Variants in NBPF6 observed in about 807,000 individuals in gnomAD.
NBPF6 encodes NBPF member 6.
A neutral mutation model predicts 20.8 loss-of-function variants in NBPF6; 2 were observed. That is an observed-to-expected ratio of 0.10 (90% CI 0.04 to 0.30). The LOEUF (loss-of-function observed/expected upper bound fraction) is 0.30. Ranked by LOEUF, NBPF6 falls within the 10% of genes least tolerant of loss-of-function variation. The probability of loss-of-function intolerance (pLI) is 1.00; values close to 1 mark genes in which losing one functional copy is unlikely to be tolerated. For synonymous variants in NBPF6, 24 were observed against 100.0 expected, an observed-to-expected ratio of 0.24 and a Z score of 4.53; for missense variants, 85 against 260.3, an observed-to-expected ratio of 0.33 and a Z score of 4.63.
At chr1:108,467,809 A>G in intron 14 of NBPF6, 144 bp downstream of exon 14, 2 of 1,029,816 alleles carry the variant, frequency 1.9e-6, no homozygotes, top group East Asian at 2.6e-5. Flanking sequence ...TCTGTGTCCC[A>G]TGGGCTCCCA....
chr1:108,447,477 AC>A (rs1245919314), upstream of NBPF6, among the ~76,000 whole-genome samples: 5 of 140,006 alleles, frequency 3.6e-5, no homozygotes, highest in African/African-American at 1.3e-4. Flanking sequence ...CTAACAAGAA[AC>A]CAGAAATTTA....
At chr1:108,437,765 AG>A in the NBPF6 span, among the ~76,000 whole-genome samples, 2 of 28,976 alleles carry the variant, frequency 6.9e-5, no homozygotes, top group Non-Finnish European at 1.5e-4. Flanking sequence ...GAAGGAAGGA[AG>A]GGAGGGAGGG....
At chr1:108,453,068 CCTT>C in intron 3 of NBPF6, 110 bp from the exon 4 acceptor site, 2 of 232,868 alleles carry the variant, frequency 8.6e-6, no homozygotes, top group Non-Finnish European at 1.8e-5. Context: ...CATGTTCTGA[CCTT>C]CTGCTTGGAG....
At chr1:108,449,415 ACTATATATATAT>A (rs1169881308), upstream of NBPF6, among the ~76,000 whole-genome samples, 5 of 9,602 alleles carry the variant, frequency 5.2e-4, no homozygotes, top group African/African-American at 7.5e-4. Context: ...TGTTAGAACA[ACTATATATATAT>A]ATATATATAT....
At chr1:108,448,542 T>C (rs1447832268), upstream of NBPF6, among the ~76,000 whole-genome samples, 2 of 121,074 alleles carry the variant, frequency 1.7e-5, no homozygotes, top group Non-Finnish European at 3.6e-5. Context: ...GACACAGGAA[T>C]GAATGCTATT....
At chr1:108,448,163 C>T (rs1308255821), upstream of NBPF6, among the ~76,000 whole-genome samples, 1 of 145,642 alleles carries the variant, frequency 6.9e-6, no homozygotes, top group East Asian at 2.0e-4. Context: ...GGATCAATCC[C>T]AGCGGAAAGC....
upstream of NBPF6, among the ~76,000 whole-genome samples, chr1:108,448,189 C>G (rs534370565): frequency 6.8e-6 from 1 of 146,150 alleles, no homozygotes; most frequent in Admixed American, 6.7e-5. Flanking sequence ...TCTCAGCAGC[C>G]CACACCATCC....
At chr1:108,468,173 A>G (rs1383735338) in intron 14 of NBPF6, among the ~76,000 whole-genome samples, 2 of 151,476 alleles carry the variant, frequency 1.3e-5, no homozygotes, top group East Asian at 3.8e-4. Context: ...AAGTGTTAAA[A>G]CTAAGCACTA....
At chr1:108,448,157 C>A (rs1410872213), upstream of NBPF6, among the ~76,000 whole-genome samples, 3 of 145,462 alleles carry the variant, frequency 2.1e-5, no homozygotes, top group African/African-American at 7.5e-5. Context: ...AGGACTGGAT[C>A]AATCCCAGCG....
In NBPF6 at chr1:108,453,008, G is replaced by GTATA. The variant is rs1179619304; in HGVS notation, c.279-161_279-158dup. On this transcript the variant is annotated intron_variant, in intron 3 of 14. Coordinates refer to ENST00000495380, the MANE Select transcript of NBPF6 (RefSeq NM_001143988.2). ...TGTGTGTGTGTGTGTGTGTGTGTGT[G>GTATA]TATATATATATATATTCTTCTTTCT... Among the ~76,000 whole-genome samples the GTATA allele has an allele frequency of 3.5e-4, 21 of 59,968 alleles. 3 individuals carry two copies. The highest frequency in any genetic ancestry group is 1.3e-3 in the African/African-American group (21 of 15,956). 39.3% of individuals were successfully genotyped at this position (59,968 alleles called of 152,430 possible).
chr1:108,470,621 C>T lies in NBPF6; in HGVS notation c.1900C>T (p.Gln634Ter), dbSNP rs756855296. 1.3e-6 allele frequency: 2 copies of T among 1,556,316 alleles called. No homozygotes were observed. The highest frequency in any genetic ancestry group is 1.7e-6 in the Non-Finnish European group (2 of 1,149,546). ...GATACCAAATACTGCTGAAAGGATG[C>T]AAAGGATGATAGGATGAAAGAATGT... The part of the protein sequence containing the change: ...AEIPNTAERM[Q>*]RMIG The change falls in exon 15 of 15, where the codon CAA becomes TAA. Residue 634 changes from glutamine (Q) to a stop codon, truncating the protein, a stop_gained. Transcript: ENST00000495380. LOFTEE classifies it high-confidence loss of function.
rs1179619304 is a variant in NBPF6, at chr1:108,453,008, GTATATA to G, written c.279-163_279-158del. Among the ~76,000 whole-genome samples, 18 of 59,950 alleles carry G rather than the reference GTATATA, an allele frequency of 3.0e-4. 1 individual carries two copies. The highest frequency in any genetic ancestry group is 1.1e-3 in the African/African-American group (18 of 15,938). 39.3% of individuals were successfully genotyped at this position (59,950 alleles called of 152,430 possible). ...TGTGTGTGTGTGTGTGTGTGTGTGT[GTATATA>G]TATATATATTCTTCTTTCTCTTGGC... On this transcript the variant is annotated intron_variant, in intron 3 of 14. Transcript: ENST00000495380.
At chr1:108,470,556 A>G in intron 14 of NBPF6, 41 bp from the exon 15 acceptor site, 1 of 1,515,978 alleles carries the variant, frequency 6.6e-7, no homozygotes, top group Non-Finnish European at 8.9e-7. Context: ...TGGACCTGAC[A>G]AAAATGCTCA....
the NBPF6 span, among the ~76,000 whole-genome samples, chr1:108,437,886 AAAGG>A: frequency 1.0e-4 from 5 of 49,132 alleles, no homozygotes; most frequent in South Asian, 6.4e-4. Context: ...AGAAAGAGAA[AAAGG>A]AAGGAAGGAA....
chr1:108,460,093 C>T lies in NBPF6; in HGVS notation c.1189C>T (p.Leu397Phe). ...TGAAGACAAGCAAGTCAGCTTGGCT[C>T]TTGTAGACAGTGAGTACTCCATTGT... The part of the protein sequence containing the change: ...SFEDKQVSLA[L>F]VDKIKKDQEE... The change falls in exon 10 of 15, where the codon CTT (leucine) becomes TTT (phenylalanine). Residue 397 changes from leucine (L) to phenylalanine (F), a missense_variant. This residue lies in a region of NBPF6 where 43 missense variants were observed against 97.3 expected (regional missense o/e 0.44). Coordinates refer to ENST00000495380, the MANE Select transcript of NBPF6 (RefSeq NM_001143988.2). The T allele has an allele frequency of 1.8e-5, 1 of 54,746 alleles. No individual in the cohort carries two copies. Among genetic ancestry groups the T allele is most frequent in the South Asian group, 1.3e-4 (1 of 7,826 alleles). The allele number at this position is 54,746 out of a possible 1,614,324, so 3.4% of individuals were successfully genotyped here.
the NBPF6 span, among the ~76,000 whole-genome samples, chr1:108,437,805 G>T: frequency 3.3e-5 from 1 of 30,572 alleles, no homozygotes; most frequent in African/African-American, 8.0e-5. Context: ...GGAGGGGAGG[G>T]GAGGAGAGGG....
Position 108,467,565 on chromosome 1 carries a change from C to G in NBPF6, c.1775C>G (p.Ala592Gly), listed in dbSNP as rs774660437. ...QGRQVTGRIR[A>G]SLVLILKTIR... ...CGTCAAGTCACTGGCCGGATTCGTG[C>G]CTCCCTTGTCCTGATACTGAAGACC... Residue 592 changes from alanine (A) to glycine (G), a missense_variant, in exon 14 of 15, where the codon GCC becomes GGC. Physicochemically the swap from Ala to Gly is moderately conservative, Grantham distance 60. Transcript: ENST00000495380. The G allele has an allele frequency of 6.5e-7, 1 of 1,549,800 alleles. No individual in the cohort carries two copies.
Position 108,471,788 on chromosome 1 carries a change from A to T in NBPF6, c.*1150A>T, listed in dbSNP as rs1653489716. 6.6e-6 allele frequency among the ~76,000 whole-genome samples: 1 copy of T among 152,144 alleles called. No individual in the cohort carries two copies. The highest frequency in any genetic ancestry group is 1.5e-5 in the Non-Finnish European group (1 of 68,014). On this transcript the variant is annotated 3_prime_UTR_variant, in exon 15 of 15. Transcript: ENST00000495380. ...TAAAGTTTTAAATCACTTTAATTAA[A>T]TTTTTTTGCCTATCACCCTGGACTA...
the NBPF6 span, among the ~76,000 whole-genome samples, chr1:108,438,405 CA>C: frequency 1.2e-5 from 1 of 82,346 alleles, no homozygotes; most frequent in Non-Finnish European, 2.9e-5. Context: ...GACTCAGGAC[CA>C]AATGGCTTCA....
Sources: allele counts gnomAD v4.1 joint callset (sites outside exome capture counted in the v4.1 genomes callset), GRCh38; gene constraint gnomAD v4.1.1; regional missense constraint gnomAD v4.1.1; transcripts MANE v1.5; gene names NCBI Gene and HGNC (gene_info 2026-07-23, HGNC 2026-07-21).